The following LMX1A variants were observed in gnomAD, a reference collection of about 807,000 sequenced individuals.
LMX1A encodes the protein LIM homeobox transcription factor 1 alpha, also known as LIM homeobox transcription factor 1-alpha.
In LMX1A, 15 loss-of-function variants were observed where a neutral mutation model predicts 49.1. The observed-to-expected ratio is 0.31, with a 90% CI of 0.20 to 0.47. The LOEUF is 0.47. Ranked by LOEUF, LMX1A falls within the 20% of genes least tolerant of loss-of-function variation. The pLI, the probability that LMX1A is intolerant of heterozygous loss-of-function variation, is 1.00. For synonymous variants in LMX1A, 167 were observed against 185.7 expected, an observed-to-expected ratio of 0.90 and a Z score of 0.82; for missense variants, 372 against 475.8, an observed-to-expected ratio of 0.78 and a Z score of 2.03.
chr1:165,274,123 G>T (rs920792915), intron 3 of LMX1A, among the ~76,000 whole-genome samples: 5 of 152,048 alleles, frequency 3.3e-5, no homozygotes, highest in African/African-American at 1.2e-4. Flanking sequence ...ATCTGTCCTG[G>T]GTCCTGGACA....
At chr1:165,269,520 T>C (rs1653727743) in intron 3 of LMX1A, among the ~76,000 whole-genome samples, 1 of 152,122 alleles carries the variant, frequency 6.6e-6, no homozygotes, top group African/African-American at 2.4e-5. Flanking sequence ...GAAATACCAT[T>C]TGACCCAGCA....
chr1:165,221,966 T>TTC (rs1452559622), intron 4 of LMX1A, among the ~76,000 whole-genome samples: 2 of 143,944 alleles, frequency 1.4e-5, no homozygotes, highest in African/African-American at 5.1e-5. Context: ...CACACACGCT[T>TTC]TCTCTCTCTC....
intron 4 of LMX1A, among the ~76,000 whole-genome samples, chr1:165,228,299 A>G (rs1328616429): frequency 1.3e-5 from 2 of 152,200 alleles, no homozygotes; most frequent in Non-Finnish European, 2.9e-5. Flanking sequence ...AGCTTCCACC[A>G]GATGCCTGCA....
At chr1:165,327,106 G>C (rs892536898) in intron 3 of LMX1A, among the ~76,000 whole-genome samples, 8 of 152,100 alleles carry the variant, frequency 5.3e-5, no homozygotes, top group Non-Finnish European at 1.2e-4. Flanking sequence ...AGATGGATTT[G>C]GTAGGTTTGA....
In LMX1A at chr1:165,214,647, T is replaced by C. The variant is rs114414975; in HGVS notation, c.497-834A>G. The stretch of plus-strand genomic sequence containing the variant: ...TTTTCAAGACTAGACCTAGACACTA[T>C]GTCTGAAACTCTAGTTACTGCCAAG... On this transcript the variant is annotated intron_variant, in intron 4 of 8. Coordinates refer to ENST00000342310, the MANE Select transcript of LMX1A (RefSeq NM_177398.4). 6.0e-3 allele frequency among the ~76,000 whole-genome samples: 913 copies of C among 152,350 alleles called. 6 individuals carry two copies. Among genetic ancestry groups the C allele is most frequent in the African/African-American group, 0.021 (865 of 41,586 alleles).
intron 3 of LMX1A, among the ~76,000 whole-genome samples, chr1:165,258,258 C>G (rs943219014): frequency 6.6e-6 from 1 of 152,188 alleles, no homozygotes; most frequent in Non-Finnish European, 1.5e-5. Flanking sequence ...TGTGGCTAAA[C>G]TGAAGGAGAG....
At chr1:165,286,113 C>G (rs1385416853) in intron 3 of LMX1A, among the ~76,000 whole-genome samples, 1 of 152,204 alleles carries the variant, frequency 6.6e-6, no homozygotes, top group Non-Finnish European at 1.5e-5. Context: ...CTTATTTCCA[C>G]TGCTTTCACA....
intron 3 of LMX1A, among the ~76,000 whole-genome samples, chr1:165,266,558 A>T (rs1398132737): frequency 6.9e-6 from 1 of 145,912 alleles, no homozygotes; most frequent in Non-Finnish European, 1.5e-5. Flanking sequence ...AAGAAGCAAC[A>T]TGCTGGATGA....
In LMX1A at chr1:165,356,026, G is replaced by T. The variant is rs190171605; in HGVS notation, c.-23+329C>A. The T allele has an allele frequency of 5.5e-3, 858 of 156,136 alleles. 6 individuals carry two copies. The highest frequency in any genetic ancestry group is 0.02 in the African/African-American group (825 of 41,680). The allele number at this position is 156,136 out of a possible 1,614,324, so 9.7% of individuals were successfully genotyped here. ...CCGGGTCCAGGCACGCGGGACGATG[G>T]GGTTTGCAATCCCGCGTCCCAGCCG... On this transcript the variant is annotated intron_variant, in intron 1 of 8. Coordinates refer to ENST00000342310, the MANE Select transcript of LMX1A (RefSeq NM_177398.4).
intron 3 of LMX1A, among the ~76,000 whole-genome samples, chr1:165,296,555 G>A (rs985300411): frequency 1.3e-5 from 2 of 152,320 alleles, no homozygotes; most frequent in South Asian, 2.1e-4. Context: ...CTTCAATGTC[G>A]CCATTCAGAA....
intron 3 of LMX1A, among the ~76,000 whole-genome samples, chr1:165,351,161 T>C (rs1656416377): frequency 7.2e-6 from 1 of 139,458 alleles, no homozygotes; most frequent in Non-Finnish European, 1.6e-5. Context: ...CCTTCTTTGA[T>C]TCGTGATTTT....
At chr1:165,323,706 T>G (rs1441051071) in intron 3 of LMX1A, among the ~76,000 whole-genome samples, 1 of 152,224 alleles carries the variant, frequency 6.6e-6, no homozygotes, top group Admixed American at 6.5e-5. Context: ...CTACTTTTCA[T>G]CCCATTTTAG....
At chr1:165,342,662 A>C (rs1656112458) in intron 3 of LMX1A, among the ~76,000 whole-genome samples, 1 of 152,160 alleles carries the variant, frequency 6.6e-6, no homozygotes, top group African/African-American at 2.4e-5. Context: ...TCATACAAAC[A>C]AAGAGGCAAT....
intron 3 of LMX1A, among the ~76,000 whole-genome samples, chr1:165,303,478 A>G (rs553501523): frequency 6.6e-6 from 1 of 152,350 alleles, no homozygotes; most frequent in African/African-American, 2.4e-5. Flanking sequence ...ACAAAAGCAC[A>G]AGACAGATGA....
At chr1:165,220,038 A>G (rs746910077) in intron 4 of LMX1A, among the ~76,000 whole-genome samples, 9 of 152,244 alleles carry the variant, frequency 5.9e-5, no homozygotes, top group Non-Finnish European at 1.3e-4. Context: ...TGCCAAGGGC[A>G]TAAAATACCT....
At position 165,355,468 on chromosome 1, in the gene LMX1A, C is replaced by A. The variant is rs750958764; in HGVS notation, c.76+16G>T. ...GGAAAGAGAGTGCGCCCAGGACGCA[C>A]GGCCTGAACACTCACCCAGCAGCGA... On this transcript the variant is annotated intron_variant, in intron 2 of 8. Transcript: ENST00000342310. The surrounding 1 kb of genome is among the most constrained non-coding windows in gnomAD (Gnocchi z 4.7). 1.2e-6 allele frequency: 2 copies of A among 1,613,042 alleles called. No homozygotes were observed. The highest frequency in any genetic ancestry group is 1.1e-5 in the South Asian group (1 of 90,892).
intron 3 of LMX1A, among the ~76,000 whole-genome samples, chr1:165,254,768 G>T (rs568873785): frequency 1.3e-5 from 2 of 152,186 alleles, no homozygotes; most frequent in South Asian, 2.1e-4. Flanking sequence ...ATGAGACATC[G>T]CTGAGGGTTC....
intron 5 of LMX1A, 80 bp from the exon 6 acceptor site, chr1:165,210,856 G>A: frequency 1.1e-6 from 1 of 936,660 alleles, no homozygotes; most frequent in Non-Finnish European, 1.6e-6. Flanking sequence ...TAATACTTGA[G>A]GAGGCCAAAA....
At chr1:165,240,732 T>C (rs1361964742) in intron 4 of LMX1A, among the ~76,000 whole-genome samples, 1 of 152,070 alleles carries the variant, frequency 6.6e-6, no homozygotes, top group Non-Finnish European at 1.5e-5. Flanking sequence ...AACTGTCAGG[T>C]TCAATGTCCT....
Sources: allele counts gnomAD v4.1 joint callset (sites outside exome capture counted in the v4.1 genomes callset), GRCh38; gene constraint gnomAD v4.1.1; non-coding constraint Gnocchi (gnomAD v3.1); transcripts MANE v1.5; gene names NCBI Gene and HGNC (gene_info 2026-07-23, HGNC 2026-07-21).